CPPED1: variants seen among roughly 807,000 people sequenced by gnomAD.
CPPED1 encodes the protein serine/threonine-protein phosphatase CPPED1.
A neutral mutation model predicts 28.0 loss-of-function variants in CPPED1; 28 were observed. The observed-to-expected ratio is 1.00, with a 90% CI of 0.74 to 1.37. The LOEUF is 1.37. Among genes scored for constraint, CPPED1 ranks in the 40% most tolerant of loss-of-function variants. CPPED1 has a pLI of 0.00. For missense variants in CPPED1, 504 were observed against 416.5 expected (o/e 1.21, Z -1.83); for synonymous variants, 198 against 180.2 (o/e 1.10, Z -0.79).
intron 3 of CPPED1, 53 bp from the exon 4 acceptor site, chr16:12,665,168 C>T (rs1023643809): frequency 3.3e-6 from 5 of 1,528,868 alleles, no homozygotes; most frequent in Non-Finnish European, 4.4e-6. Flanking sequence ...ATTAGGTAAC[C>T]TAGGGTCTCC....
intron 1 of CPPED1, among the ~76,000 whole-genome samples, chr16:12,790,270 GTC>G (rs1304614346): frequency 6.6e-6 from 1 of 152,146 alleles, no homozygotes; most frequent in Non-Finnish European, 1.5e-5. Flanking sequence ...TCTTGGATTT[GTC>G]TCTGCTAATA....
At chr16:12,782,233 CAG>C (rs2080536230) in intron 1 of CPPED1, among the ~76,000 whole-genome samples, 1 of 152,204 alleles carries the variant, frequency 6.6e-6, no homozygotes, top group African/African-American at 2.4e-5. Context: ...TTAATGGGCA[CAG>C]AAGTGCTGTG....
chr16:12,664,651 T>TA lies in CPPED1; in HGVS notation c.*234dup. ...TTCAAACATCCATGCAGAGATAGTC[T>TA]AATATTTTAAAAACTGATTTCCAGG... On this transcript the variant is annotated 3_prime_UTR_variant, in exon 4 of 4. Coordinates refer to ENST00000381774, the MANE Select transcript of CPPED1 (RefSeq NM_018340.3). This position sits in a 1 kb window ranked among gnomAD's most constrained non-coding sequence, Gnocchi z 4.2. The TA allele has an allele frequency of 7.4e-7, 1 of 1,355,268 alleles. No homozygotes were observed. The highest frequency in any genetic ancestry group is 3.2e-5 in the East Asian group (1 of 31,744). The allele number at this position is 1,355,268 out of a possible 1,614,324, so 84.0% of individuals were successfully genotyped here.
chr16:12,694,057 T>C (rs1204077818), intron 3 of CPPED1, among the ~76,000 whole-genome samples: 2 of 151,968 alleles, frequency 1.3e-5, no homozygotes, highest in Non-Finnish European at 2.9e-5. Flanking sequence ...AATACAAAAA[T>C]TAGCCAAGTG....
At chr16:12,671,927 C>T (rs898383850) in intron 3 of CPPED1, among the ~76,000 whole-genome samples, 4 of 152,166 alleles carry the variant, frequency 2.6e-5, no homozygotes, top group African/African-American at 7.2e-5. Context: ...AAGGGGGTCC[C>T]GTAAGATTAT....
intron 2 of CPPED1, among the ~76,000 whole-genome samples, chr16:12,732,483 C>T (rs911842038): frequency 1.1e-5 from 1 of 93,216 alleles, no homozygotes; most frequent in Non-Finnish European, 2.3e-5. Flanking sequence ...CAAACACACA[C>T]ACACACAGAT....
intron 1 of CPPED1, among the ~76,000 whole-genome samples, chr16:12,784,462 T>TA (rs1171504497): frequency 6.6e-6 from 1 of 151,862 alleles, no homozygotes; most frequent in African/African-American, 2.4e-5. Flanking sequence ...GGTAATTTGT[T>TA]ACACAGTAAC....
At chr16:12,679,402 CA>C (rs535748526) in intron 3 of CPPED1, among the ~76,000 whole-genome samples, 191 of 152,152 alleles carry the variant, frequency 1.3e-3, no homozygotes, top group Non-Finnish European at 2.2e-3. Context: ...AAATTAAACC[CA>C]AATGTTGTAA....
intron 1 of CPPED1, among the ~76,000 whole-genome samples, chr16:12,793,386 T>C (rs1164534228): frequency 2.0e-5 from 3 of 152,092 alleles, no homozygotes; most frequent in African/African-American, 2.4e-5. Flanking sequence ...GGATAGACCA[T>C]GCTGACAACA....
chr16:12,688,364 G>A (rs1412141717), intron 3 of CPPED1, among the ~76,000 whole-genome samples: 2 of 133,360 alleles, frequency 1.5e-5, no homozygotes, highest in Admixed American at 1.6e-4. Context: ...ATGGAGTTTC[G>A]CTCTGTCACC....
intron 3 of CPPED1, among the ~76,000 whole-genome samples, chr16:12,666,335 G>A (rs1386992438): frequency 6.6e-6 from 1 of 152,086 alleles, no homozygotes; most frequent in Non-Finnish European, 1.5e-5. Flanking sequence ...AATGTCACCG[G>A]GAGTTCAGCT....
intron 2 of CPPED1, among the ~76,000 whole-genome samples, chr16:12,779,563 A>AT (rs1474525641): frequency 1.5e-4 from 22 of 151,650 alleles, no homozygotes; most frequent in Non-Finnish European, 3.1e-4. Context: ...TAATTTTTAT[A>AT]TTTTTTAGTA....
intron 2 of CPPED1, among the ~76,000 whole-genome samples, chr16:12,732,174 G>A (rs1275442103): frequency 6.7e-6 from 1 of 150,072 alleles, no homozygotes; most frequent in Non-Finnish European, 1.5e-5. Flanking sequence ...AGCATTCTCA[G>A]ACAGAGAAGA....
chr16:12,705,563 G>A (rs1014672880), intron 2 of CPPED1, among the ~76,000 whole-genome samples: 38 of 152,162 alleles, frequency 2.5e-4, no homozygotes, highest in African/African-American at 8.9e-4. Context: ...TTCGAGACCA[G>A]CCTGGACAAC....
At chr16:12,677,367 G>T (rs759541172) in intron 3 of CPPED1, among the ~76,000 whole-genome samples, 62 of 152,234 alleles carry the variant, frequency 4.1e-4, no homozygotes, top group Admixed American at 3.9e-4. Flanking sequence ...GGCTGGGCGC[G>T]GTGGCTTATG....
At chr16:12,780,757 T>G (rs2080525594) in intron 2 of CPPED1, among the ~76,000 whole-genome samples, 1 of 149,510 alleles carries the variant, frequency 6.7e-6, no homozygotes, top group Non-Finnish European at 1.5e-5. Context: ...AAGGGAATCC[T>G]GTTTTAAGTT....
intron 2 of CPPED1, among the ~76,000 whole-genome samples, chr16:12,776,677 T>C (rs141495914): frequency 6.6e-5 from 10 of 152,252 alleles, no homozygotes; most frequent in Non-Finnish European, 1.3e-4. Context: ...TCACAGCACT[T>C]TGGGAGGCTG....
chr16:12,674,139 T>A (rs1036450546), intron 3 of CPPED1, among the ~76,000 whole-genome samples: 7 of 151,862 alleles, frequency 4.6e-5, no homozygotes, highest in African/African-American at 1.7e-4. Context: ...TAAAAGAGAG[T>A]CCTCCCCCAA....
rs542601126 is a variant in CPPED1 at position 12,795,129 on chromosome 16, G to C, written c.70+8578C>G. Reference sequence around the variant, plus strand: ...CAGCAGGCAGCTGCTGTCCCAGGCAGCACTCTGGGAAGAACTGGTAGAAGG... The same window carrying C: ...CAGCAGGCAGCTGCTGTCCCAGGCACCACTCTGGGAAGAACTGGTAGAAGG... On this transcript the variant is annotated intron_variant, in intron 1 of 3. Coordinates refer to ENST00000381774, the MANE Select transcript of CPPED1 (RefSeq NM_018340.3). 2.2e-3 allele frequency among the ~76,000 whole-genome samples: 341 copies of C among 152,344 alleles called. 1 individual carries two copies. The highest frequency in any genetic ancestry group is 3.6e-3 in the Non-Finnish European group (247 of 68,038).
Sources: allele counts gnomAD v4.1 joint callset (sites outside exome capture counted in the v4.1 genomes callset), GRCh38; gene constraint gnomAD v4.1.1; non-coding constraint Gnocchi (gnomAD v3.1); transcripts MANE v1.5; gene names NCBI Gene and HGNC (gene_info 2026-07-23, HGNC 2026-07-21).